The following CEP112 variants were observed in gnomAD, a reference collection of about 807,000 sequenced individuals.
The protein encoded by CEP112 is centrosomal protein 112.
CEP112 carries 127 observed loss-of-function variants against 153.0 expected under a neutral mutation model. The observed-to-expected ratio is 0.83, with a 90% CI of 0.72 to 0.96. The LOEUF (loss-of-function observed/expected upper bound fraction) is 0.96, where lower values mean the gene tolerates loss of function less well. CEP112 is among the 40% of genes least tolerant of loss of function. The pLI is 0.00. For missense variants in CEP112, 1,089 were observed against 1,101.2 expected (o/e 0.99, Z 0.16); for synonymous variants, 358 against 374.4 (o/e 0.96, Z 0.51).
At chr17:66,161,704 G>C (rs1171429659) in intron 4 of CEP112, among the ~76,000 whole-genome samples, 1 of 151,990 alleles carries the variant, frequency 6.6e-6, no homozygotes. Flanking sequence ...CTAGGGGAGG[G>C]ATAGCACTAG....
At chr17:65,716,670 G>A (rs1459819414) in intron 23 of CEP112, among the ~76,000 whole-genome samples, 2 of 152,140 alleles carry the variant, frequency 1.3e-5, no homozygotes, top group Non-Finnish European at 2.9e-5. Context: ...GTTTCTGTTG[G>A]AAAATGTGTT....
intron 21 of CEP112, among the ~76,000 whole-genome samples, chr17:65,794,181 T>C (rs1404769892): frequency 6.6e-6 from 1 of 152,210 alleles, no homozygotes; most frequent in African/African-American, 2.4e-5. Context: ...ATGTATAGTC[T>C]TCTGTTGTAG....
At chr17:66,019,495 A>G (rs1165842653) in intron 16 of CEP112, among the ~76,000 whole-genome samples, 1 of 152,238 alleles carries the variant, frequency 6.6e-6, no homozygotes, top group Non-Finnish European at 1.5e-5. Flanking sequence ...AGAAAAACAG[A>G]TGTCAATGTA....
intron 23 of CEP112, among the ~76,000 whole-genome samples, chr17:65,692,471 C>T (rs1001939673): frequency 1.3e-5 from 2 of 152,160 alleles, no homozygotes; most frequent in Admixed American, 6.5e-5. Flanking sequence ...TTGTGATCCA[C>T]CCATCTCAGC....
chr17:65,793,657 T>C (rs138633098), intron 21 of CEP112, among the ~76,000 whole-genome samples: 1 of 152,206 alleles, frequency 6.6e-6, no homozygotes, highest in Non-Finnish European at 1.5e-5. Flanking sequence ...CATAGACACA[T>C]TTTCCTTTAT....
intron 21 of CEP112, among the ~76,000 whole-genome samples, chr17:65,777,906 A>T (rs1297787802): frequency 6.6e-6 from 1 of 152,058 alleles, no homozygotes; most frequent in Non-Finnish European, 1.5e-5. Context: ...TAGGCTTAAA[A>T]CCATTACTTT....
chr17:66,075,664 G>A (rs1018568023), intron 8 of CEP112, among the ~76,000 whole-genome samples: 1 of 152,092 alleles, frequency 6.6e-6, no homozygotes, highest in Non-Finnish European at 1.5e-5. Context: ...ATTAGCAATG[G>A]GATCTTGAAT....
At chr17:66,154,944 G>T (rs540526044) in intron 4 of CEP112, among the ~76,000 whole-genome samples, 5 of 152,132 alleles carry the variant, frequency 3.3e-5, no homozygotes, top group Non-Finnish European at 7.4e-5. Flanking sequence ...TGCCAAAGTG[G>T]ATTAGTTATA....
intron 18 of CEP112, among the ~76,000 whole-genome samples, chr17:65,932,825 C>T (rs940044356): frequency 1.3e-5 from 2 of 151,990 alleles, no homozygotes; most frequent in African/African-American, 2.4e-5. Context: ...AATCACCTCC[C>T]GCCAGGCCCA....
intron 20 of CEP112, among the ~76,000 whole-genome samples, chr17:65,877,973 G>A (rs1393285288): frequency 6.6e-6 from 1 of 152,190 alleles, no homozygotes; most frequent in Non-Finnish European, 1.5e-5. Context: ...CCACTTATAT[G>A]TGGACTCTAA....
intron 6 of CEP112, among the ~76,000 whole-genome samples, chr17:66,105,750 G>A (rs969366908): frequency 2.6e-5 from 4 of 152,034 alleles, no homozygotes; most frequent in East Asian, 1.9e-4. Flanking sequence ...CCAAGATCAT[G>A]CCACTGCACT....
intron 17 of CEP112, among the ~76,000 whole-genome samples, chr17:66,005,184 T>C (rs953010304): frequency 1.3e-5 from 2 of 152,330 alleles, no homozygotes; most frequent in Admixed American, 1.3e-4. Context: ...ATCAATTTAG[T>C]AAATGAATGG....
chr17:65,789,153 G>T (rs917106969), intron 21 of CEP112, among the ~76,000 whole-genome samples: 1 of 152,142 alleles, frequency 6.6e-6, no homozygotes, highest in Non-Finnish European at 1.5e-5. Flanking sequence ...TCTTGAGTCT[G>T]TTCCTTCTCA....
At chr17:65,922,558 T>A (rs1424269644) in intron 19 of CEP112, among the ~76,000 whole-genome samples, 1 of 152,092 alleles carries the variant, frequency 6.6e-6, no homozygotes, top group Non-Finnish European at 1.5e-5. Context: ...CCACACTTGG[T>A]TATAAATTTG....
intron 24 of CEP112, among the ~76,000 whole-genome samples, chr17:65,660,177 C>CCTTCCTTCCTTCCTTCCTTCCT (rs2046270778): frequency 7.2e-6 from 1 of 139,382 alleles, no homozygotes; most frequent in African/African-American, 2.8e-5. Context: ...ACCTTGATTT[C>CCTTCCTTCCTTCCTTCCTTCCT]TCCTTCCTTC....
chr17:66,140,893 C>T (rs920166660), intron 4 of CEP112, among the ~76,000 whole-genome samples: 1 of 151,846 alleles, frequency 6.6e-6, no homozygotes, highest in East Asian at 1.9e-4. Context: ...GTGATCTGCC[C>T]GCCTCAGCCT....
At chr17:66,112,601 C>T (rs951727552) in intron 6 of CEP112, among the ~76,000 whole-genome samples, 1 of 151,996 alleles carries the variant, frequency 6.6e-6, no homozygotes, top group Non-Finnish European at 1.5e-5. Flanking sequence ...GATAATAATA[C>T]AATCTACCTC....
At chr17:65,896,175 T>C (rs898395930) in intron 20 of CEP112, among the ~76,000 whole-genome samples, 2 of 152,252 alleles carry the variant, frequency 1.3e-5, no homozygotes, top group South Asian at 2.1e-4. Flanking sequence ...GTAGTTTCCA[T>C]GGTAACTGCC....
intron 20 of CEP112, among the ~76,000 whole-genome samples, chr17:65,889,859 C>T (rs1049595331): frequency 2.0e-5 from 3 of 152,058 alleles, no homozygotes; most frequent in Non-Finnish European, 2.9e-5. Context: ...CATCATCTCT[C>T]GCGAGGGTGA....
Sources: gnomAD v4.1 joint callset for allele counts (sites outside exome capture counted in the v4.1 genomes callset) on GRCh38, gnomAD v4.1.1 for gene constraint, MANE v1.5 for transcripts, NCBI Gene and HGNC (gene_info 2026-07-23, HGNC 2026-07-21) for gene names.